Variants in ABCG8 observed in about 807,000 individuals in gnomAD.
ABCG8 encodes ATP binding cassette subfamily G member 8.
In ABCG8, 81 loss-of-function variants were observed where a neutral mutation model predicts 71.3. The ratio of observed to expected loss-of-function variants is 1.14; its 90% CI spans 0.95 to 1.37. The LOEUF (loss-of-function observed/expected upper bound fraction) is 1.37, where lower values mean the gene tolerates loss of function less well. Ranked by LOEUF, ABCG8 falls within the 40% of genes most tolerant of loss-of-function variation. The pLI, the probability that ABCG8 is intolerant of heterozygous loss-of-function variation, is 0.00. For missense variants in ABCG8, 1,119 were observed against 866.2 expected (o/e 1.29, Z -3.66); for synonymous variants, 451 against 354.7 (o/e 1.27, Z -3.05).
intron 5 of ABCG8, 54 bp from the exon 6 acceptor site, chr2:43,852,545 C>G: frequency 6.2e-7 from 1 of 1,613,992 alleles, no homozygotes; most frequent in Non-Finnish European, 8.5e-7. Flanking sequence ...TCAGGCTTGG[C>G]TTGGTCTGGC....
At chr2:43,840,502 C>T (rs1020014009) in intron 1 of ABCG8, among the ~76,000 whole-genome samples, 1 of 152,218 alleles carries the variant, frequency 6.6e-6, no homozygotes, top group African/African-American at 2.4e-5. Flanking sequence ...GATCCTGTCA[C>T]TCCAGGTGCT....
chr2:43,841,418 C>G (rs1026636587), intron 1 of ABCG8, among the ~76,000 whole-genome samples: 1 of 152,086 alleles, frequency 6.6e-6, no homozygotes, highest in African/African-American at 2.4e-5. Flanking sequence ...AGATGTCAGC[C>G]GAATAGATAC....
rs1331614809 is a variant in ABCG8 at position 43,852,630 on chromosome 2, G to C, written c.726G>C (p.Gly242=). 6.2e-7 allele frequency: 1 copy of C among 1,614,122 alleles called. No individual in the cohort carries two copies. Among genetic ancestry groups the C allele is most frequent in the Non-Finnish European group, 8.5e-7 (1 of 1,180,022 alleles). The change falls in exon 6 of 13, where the codon GGG becomes GGC. Residue 242 remains glycine, a synonymous_variant. Coordinates refer to ENST00000272286, the MANE Select transcript of ABCG8 (RefSeq NM_022437.3). ...GILILDEPTS[G]LDSFTAHNLV... The stretch of plus-strand genomic sequence containing the variant: ...TTATTCTCGACGAACCCACCTCTGG[G>C]CTCGACAGCTTCACAGCCCACAACC...
At chr2:43,874,508 G>T (rs552831615) in intron 10 of ABCG8, 25 bp downstream of exon 10, 2 of 1,453,800 alleles carry the variant, frequency 1.4e-6, no homozygotes, top group African/African-American at 3.1e-5. Flanking sequence ...TTGAGAGCAA[G>T]TGCCCCCCAC....
chr2:43,859,338 T>C (rs1669223923), intron 6 of ABCG8, among the ~76,000 whole-genome samples: 1 of 151,398 alleles, frequency 6.6e-6, no homozygotes, highest in African/African-American at 2.4e-5. Context: ...GCCATCTGCA[T>C]GCACGGGATT....
chr2:43,870,247 C>T (rs1043018270), intron 6 of ABCG8, among the ~76,000 whole-genome samples: 1 of 151,848 alleles, frequency 6.6e-6, no homozygotes, highest in Non-Finnish European at 1.5e-5. Flanking sequence ...CTGGATAGAA[C>T]TAGCACTATC....
intron 6 of ABCG8, among the ~76,000 whole-genome samples, chr2:43,860,575 C>A (rs1247043239): frequency 1.3e-5 from 2 of 151,286 alleles, no homozygotes. Context: ...GGATAGAATT[C>A]TCACCATCTG....
chr2:43,846,559 C>T, intron 3 of ABCG8: 1 of 513,848 alleles, frequency 1.9e-6, no homozygotes, highest in Non-Finnish European at 3.5e-6. Context: ...AGGCTGTGGC[C>T]AGAGCATCTG....
chr2:43,871,877 G>A (rs1256506211), intron 6 of ABCG8, 99 bp from the exon 7 acceptor site: 2 of 1,539,668 alleles, frequency 1.3e-6, no homozygotes, highest in Non-Finnish European at 1.8e-6. Flanking sequence ...GCCCCACGAG[G>A]GGTGATCAGC....
intron 6 of ABCG8, among the ~76,000 whole-genome samples, chr2:43,863,395 C>T (rs1669402804): frequency 6.6e-6 from 1 of 151,182 alleles, no homozygotes; most frequent in South Asian, 2.1e-4. Context: ...ATAGAACTCT[C>T]GCTATTCATC....
chr2:43,877,738 A>G (rs768953349), intron 12 of ABCG8, 38 bp from the exon 13 acceptor site: 2 of 1,614,090 alleles, frequency 1.2e-6, no homozygotes, highest in South Asian at 1.1e-5. Context: ...CCGGCTTTCC[A>G]TCCTCCTCAT....
intron 2 of ABCG8, among the ~76,000 whole-genome samples, chr2:43,844,886 A>G (rs1375445627): frequency 6.6e-6 from 1 of 152,194 alleles, no homozygotes; most frequent in Non-Finnish European, 1.5e-5. Flanking sequence ...ACTCTTTTTA[A>G]ACTATATTTT....
chr2:43,874,289 ATT>A (rs1669882517), intron 9 of ABCG8, 116 bp from the exon 10 acceptor site: 1 of 976,360 alleles, frequency 1.0e-6, no homozygotes, highest in Non-Finnish European at 1.6e-6. Context: ...AAAAAAAAAA[ATT>A]AGAGACTTGG....
chr2:43,861,057 G>T lies in ABCG8; in HGVS notation c.964+8189G>T, dbSNP rs192853868. ...ATCGGGATAGAATTCTCACTCTCTGGATAGAACCCTCACTATCTATATGGA... is the reference window on the plus strand; with the variant it reads ...ATCGGGATAGAATTCTCACTCTCTGTATAGAACCCTCACTATCTATATGGA... On this transcript the variant is annotated intron_variant, in intron 6 of 12. Transcript: ENST00000272286. Among the ~76,000 whole-genome samples the T allele has an allele frequency of 5.5e-3, 836 of 151,260 alleles. 5 individuals carry two copies. Among genetic ancestry groups the T allele is most frequent in the Middle Eastern group, 0.021 (6 of 290 alleles).
intron 6 of ABCG8, among the ~76,000 whole-genome samples, chr2:43,867,577 A>G (rs1329282231): frequency 6.6e-6 from 1 of 151,556 alleles, no homozygotes; most frequent in East Asian, 1.9e-4. Flanking sequence ...AATTCTCACC[A>G]TCTGGATAGA....
chr2:43,849,715 T>C (rs1558805200), intron 3 of ABCG8, among the ~76,000 whole-genome samples: 1 of 152,172 alleles, frequency 6.6e-6, no homozygotes, highest in Non-Finnish European at 1.5e-5. Context: ...TGAAGTCCTC[T>C]GTGTCCCTGG....
Position 43,846,403 on chromosome 2 carries a change from G to A in ABCG8, c.322+92G>A. ...ATGGATGCTTCTTATGGAGCTCTTT[G>A]CTGACTAGTAGAATAATACAGCAGA... On this transcript the variant is annotated intron_variant, in intron 3 of 12. Coordinates refer to ENST00000272286, the MANE Select transcript of ABCG8 (RefSeq NM_022437.3). 3.2e-6 allele frequency: 5 copies of A among 1,561,290 alleles called. No individual in the cohort carries two copies. In the South Asian group the frequency reaches 5.6e-5, roughly 18 times the overall value.
At chr2:43,840,824 T>G (rs1277700972) in intron 1 of ABCG8, among the ~76,000 whole-genome samples, 2 of 152,090 alleles carry the variant, frequency 1.3e-5, no homozygotes, top group Non-Finnish European at 2.9e-5. Flanking sequence ...CCCTGGATGG[T>G]CACCCTCCTG....
chr2:43,867,195 G>T (rs537202956), intron 6 of ABCG8, among the ~76,000 whole-genome samples: 4 of 119,946 alleles, frequency 3.3e-5, no homozygotes, highest in African/African-American at 1.2e-4. Context: ...GGGGACTGTT[G>T]TGGGGTGGGG....
Sources: allele counts gnomAD v4.1 joint callset (sites outside exome capture counted in the v4.1 genomes callset), GRCh38; gene constraint gnomAD v4.1.1; transcripts MANE v1.5; gene names NCBI Gene and HGNC (gene_info 2026-07-23, HGNC 2026-07-21).